Variants in RIMS2 observed in about 807,000 individuals in gnomAD.
The protein encoded by RIMS2 is regulating synaptic membrane exocytosis protein 2.
RIMS2 carries 59 observed loss-of-function variants against 174.4 expected under a neutral mutation model. That is an observed-to-expected ratio of 0.34 (90% confidence interval 0.27 to 0.42). The LOEUF (loss-of-function observed/expected upper bound fraction) is 0.42, where lower values mean the gene tolerates loss of function less well. RIMS2 is among the 10% of genes least tolerant of loss of function. The pLI is 1.00. For missense variants in RIMS2, 1,620 were observed against 1,666.3 expected (o/e 0.97, Z 0.48); for synonymous variants, 606 against 572.5 (o/e 1.06, Z -0.84).
At chr8:103,688,608 A>G (rs2096971863) in intron 1 of RIMS2, among the ~76,000 whole-genome samples, 1 of 152,008 alleles carries the variant, frequency 6.6e-6, no homozygotes, top group South Asian at 2.1e-4. Flanking sequence ...TATCAGGGTA[A>G]TGCTGGCCTC....
chr8:103,869,193 CTTTTTTTTTT>C (rs758281100), intron 3 of RIMS2, among the ~76,000 whole-genome samples: 2 of 131,204 alleles, frequency 1.5e-5, no homozygotes, highest in African/African-American at 5.5e-5. Context: ...ACCAGGAACA[CTTTTTTTTTT>C]TTTTTTTTTA....
chr8:103,565,373 C>T (rs2092222949), intron 1 of RIMS2, among the ~76,000 whole-genome samples: 1 of 151,996 alleles, frequency 6.6e-6, no homozygotes, highest in Non-Finnish European at 1.5e-5. Flanking sequence ...GGTGCCATCT[C>T]AGCTCACTGC....
chr8:104,001,196 A>G (rs1013374488), intron 17 of RIMS2, among the ~76,000 whole-genome samples: 5 of 151,918 alleles, frequency 3.3e-5, no homozygotes, highest in East Asian at 1.9e-4. Flanking sequence ...ATAATTAACA[A>G]TAGCTTACTG....
At chr8:104,246,331 C>A (rs548481544) in intron 20 of RIMS2, among the ~76,000 whole-genome samples, 22 of 152,184 alleles carry the variant, frequency 1.4e-4, no homozygotes, top group Admixed American at 4.6e-4. Context: ...TCTTTTCTTT[C>A]TTTCCTTTTT....
At chr8:103,832,621 A>C (rs2098832826) in intron 3 of RIMS2, among the ~76,000 whole-genome samples, 1 of 152,142 alleles carries the variant, frequency 6.6e-6, no homozygotes, top group East Asian at 1.9e-4. Flanking sequence ...CCCACTTTTA[A>C]GTGAGAACAT....
chr8:103,862,663 TCTC>T (rs2099064906), intron 3 of RIMS2, among the ~76,000 whole-genome samples: 1 of 152,140 alleles, frequency 6.6e-6, no homozygotes, highest in Non-Finnish European at 1.5e-5. Flanking sequence ...GTTTTGTAGT[TCTC>T]CTCGTAGAGA....
intron 19 of RIMS2, among the ~76,000 whole-genome samples, chr8:104,226,489 G>T (rs1014315075): frequency 1.3e-5 from 2 of 152,042 alleles, no homozygotes; most frequent in East Asian, 3.8e-4. Context: ...ATTTATTGGG[G>T]GTATTTGATG....
chr8:103,574,390 A>G (rs2093055716), intron 1 of RIMS2, among the ~76,000 whole-genome samples: 1 of 152,220 alleles, frequency 6.6e-6, no homozygotes, highest in Non-Finnish European at 1.5e-5. Flanking sequence ...AAGCTTTGTT[A>G]TATAAAAGCA....
chr8:103,767,039 A>G (rs2098181148), intron 3 of RIMS2, among the ~76,000 whole-genome samples: 1 of 152,182 alleles, frequency 6.6e-6, no homozygotes, highest in Admixed American at 6.5e-5. Flanking sequence ...AGTTTGATAT[A>G]TCCATGTGCT....
intron 1 of RIMS2, among the ~76,000 whole-genome samples, chr8:103,672,774 C>T (rs1034879937): frequency 6.6e-6 from 1 of 152,040 alleles, no homozygotes; most frequent in Non-Finnish European, 1.5e-5. Context: ...TTGTCCCTCC[C>T]AAATCTCATT....
intron 19 of RIMS2, among the ~76,000 whole-genome samples, chr8:104,157,741 C>G (rs2098733342): frequency 6.6e-6 from 1 of 152,140 alleles, no homozygotes; most frequent in Admixed American, 6.5e-5. Context: ...ACTTGGGTTC[C>G]TTCACCTTCT....
intron 19 of RIMS2, among the ~76,000 whole-genome samples, chr8:104,121,642 G>C (rs28715857): frequency 6.6e-6 from 1 of 152,124 alleles, no homozygotes; most frequent in Non-Finnish European, 1.5e-5. Flanking sequence ...TATCTTTTGA[G>C]TGCCAGGCCC....
intron 2 of RIMS2, among the ~76,000 whole-genome samples, 177 bp downstream of exon 4, chr8:103,697,473 C>A (rs533289089): frequency 6.6e-6 from 1 of 152,038 alleles, no homozygotes; most frequent in African/African-American, 2.4e-5. Context: ...CTTTGGTAGG[C>A]CAAGGCGGGC....
At chr8:104,144,270 T>C (rs1449067859) in intron 19 of RIMS2, among the ~76,000 whole-genome samples, 1 of 152,176 alleles carries the variant, frequency 6.6e-6, no homozygotes, top group Admixed American at 6.5e-5. Flanking sequence ...GTTTTTATTG[T>C]TTTTCTAAAG....
intron 10 of RIMS2, among the ~76,000 whole-genome samples, chr8:103,922,160 A>T (rs2077802477): frequency 3.9e-5 from 6 of 152,020 alleles, no homozygotes; most frequent in Admixed American, 3.9e-4. Context: ...AGATAAAAGT[A>T]AACATGTATT....
At chr8:103,769,673 T>A (rs2098227205) in intron 3 of RIMS2, among the ~76,000 whole-genome samples, 1 of 152,178 alleles carries the variant, frequency 6.6e-6, no homozygotes, top group Non-Finnish European at 1.5e-5. Flanking sequence ...CAAATAAAAA[T>A]CTTATATTCT....
Position 103,652,571 on chromosome 8 carries a change from C to G in RIMS2, c.177-44515C>G, listed in dbSNP as rs2096471535. ...TTATTATGGATAAGAAAACGTTAACCTACATTGTTATTCATTTGGTTATTC... is the reference window on the plus strand; with the variant it reads ...TTATTATGGATAAGAAAACGTTAACGTACATTGTTATTCATTTGGTTATTC... On this transcript the variant is annotated intron_variant, in intron 1 of 23. Coordinates refer to ENST00000504942, the Ensembl canonical transcript of RIMS2. The G allele has an allele frequency of 6.2e-6, 6 of 971,934 alleles. No homozygotes were observed. The South Asian group carries it at 7.9e-5, about 13-fold the overall frequency. The allele number at this position is 971,934 out of a possible 1,614,324, so 60.2% of individuals were successfully genotyped here.
chr8:104,060,016 T>C (rs2096950705), intron 19 of RIMS2, among the ~76,000 whole-genome samples: 1 of 151,946 alleles, frequency 6.6e-6, no homozygotes, highest in Admixed American at 6.6e-5. Flanking sequence ...ATCAAGGATA[T>C]TGGTCTAAAA....
chr8:103,643,847 G>T (rs2096275749), intron 1 of RIMS2, among the ~76,000 whole-genome samples: 1 of 151,950 alleles, frequency 6.6e-6, no homozygotes, highest in African/African-American at 2.4e-5. Context: ...AGGCTAGAGA[G>T]GACTGGAATT....
Sources: allele counts gnomAD v4.1 joint callset (sites outside exome capture counted in the v4.1 genomes callset), GRCh38; gene constraint gnomAD v4.1.1; transcripts MANE v1.5; gene names NCBI Gene and HGNC (gene_info 2026-07-23, HGNC 2026-07-21).